Variants in WSCD2 observed in about 807,000 individuals in gnomAD.
The protein encoded by WSCD2 is WSC domain sialate O sulfotransferase 2, also known as sialate:O-sulfotransferase 2.
A neutral mutation model predicts 55.7 loss-of-function variants in WSCD2; 28 were observed. That is an observed-to-expected ratio of 0.50 (90% CI 0.37 to 0.69). The LOEUF is 0.69. Among genes scored for constraint, WSCD2 ranks in the 30% least tolerant of loss-of-function variants. The pLI is 0.00. For synonymous variants in WSCD2, 301 were observed against 301.9 expected (o/e 1.00, Z 0.03); for missense variants, 616 against 762.1 (o/e 0.81, Z 2.26).
chr12:108,170,590 C>T (rs181829957), intron 1 of WSCD2, among the ~76,000 whole-genome samples: 40 of 152,244 alleles, frequency 2.6e-4, no homozygotes, highest in East Asian at 1.9e-3. Context: ...TAGTTGTATG[C>T]GGCTGGGCAA....
intron 8 of WSCD2, among the ~76,000 whole-genome samples, chr12:108,243,372 G>A (rs1057221176): frequency 6.6e-6 from 1 of 152,120 alleles, no homozygotes; most frequent in African/African-American, 2.4e-5. Context: ...CAAGTAGCTG[G>A]GACTACAGGT....
intron 1 of WSCD2, among the ~76,000 whole-genome samples, chr12:108,184,143 G>A (rs971427115): frequency 6.6e-6 from 1 of 152,196 alleles, no homozygotes; most frequent in African/African-American, 2.4e-5. Context: ...TGGAGGTTAT[G>A]AACAGTCCTC....
At chr12:108,201,274 T>A (rs1472048346) in intron 2 of WSCD2, among the ~76,000 whole-genome samples, 2 of 152,114 alleles carry the variant, frequency 1.3e-5, no homozygotes, top group African/African-American at 4.8e-5. Context: ...TCCTCAGCAA[T>A]CCCTTGCTTG....
chr12:108,166,187 G>C (rs533035107), intron 1 of WSCD2, among the ~76,000 whole-genome samples: 48 of 152,272 alleles, frequency 3.2e-4, no homozygotes, highest in Admixed American at 2.7e-3. Flanking sequence ...TGTAATATTG[G>C]ATCAGTGACT....
At chr12:108,151,727 C>T (rs1878024155) in intron 1 of WSCD2, among the ~76,000 whole-genome samples, 1 of 152,222 alleles carries the variant, frequency 6.6e-6, no homozygotes, top group African/African-American at 2.4e-5. Flanking sequence ...ACTGGGGACT[C>T]CCTTGAGGCC....
chr12:108,206,429 T>C (rs1237782384), intron 3 of WSCD2, 26 bp downstream of exon 3: 5 of 1,606,676 alleles, frequency 3.1e-6, no homozygotes, highest in Non-Finnish European at 4.3e-6. Context: ...CCCAGACTTG[T>C]CCATTTCAGG....
chr12:108,177,729 C>A (rs564362815), intron 1 of WSCD2, among the ~76,000 whole-genome samples: 1 of 152,178 alleles, frequency 6.6e-6, no homozygotes, highest in South Asian at 2.1e-4. Context: ...TCAAGACCAG[C>A]CTGGGCAAAT....
At chr12:108,231,031 G>A (rs560602372) in intron 6 of WSCD2, among the ~76,000 whole-genome samples, 2 of 152,314 alleles carry the variant, frequency 1.3e-5, no homozygotes, top group Admixed American at 6.5e-5. Context: ...ATGTGATTGA[G>A]CCAGCTGAGA....
intron 1 of WSCD2, among the ~76,000 whole-genome samples, chr12:108,179,284 G>A (rs534325710): frequency 1.2e-4 from 19 of 152,226 alleles, no homozygotes; most frequent in East Asian, 3.9e-4. Context: ...AGGGGGCACA[G>A]AGCCTGTATT....
At chr12:108,222,966 G>T (rs943231662) in intron 4 of WSCD2, among the ~76,000 whole-genome samples, 1 of 152,206 alleles carries the variant, frequency 6.6e-6, no homozygotes. Flanking sequence ...ACGCAATTGC[G>T]GGAGCTGGCA....
intron 1 of WSCD2, chr12:108,189,743 C>T (rs1384216299): frequency 6.6e-6 from 1 of 152,138 alleles, no homozygotes; most frequent in Non-Finnish European, 1.5e-5. Context: ...AACAAACAGA[C>T]AAAAACTAGC....
chr12:108,147,922 TC>T (rs1345716172), intron 1 of WSCD2, among the ~76,000 whole-genome samples: 2 of 151,694 alleles, frequency 1.3e-5, no homozygotes, highest in Non-Finnish European at 2.9e-5. Flanking sequence ...CTACATAAGA[TC>T]TTTGGTAAAT....
intron 8 of WSCD2, chr12:108,244,481 T>C (rs953185375): frequency 2.6e-5 from 18 of 702,776 alleles, no homozygotes; most frequent in Non-Finnish European, 4.7e-5. Flanking sequence ...TGGACAATCA[T>C]AACACTAACC....
At chr12:108,214,191 C>G (rs920578731) in intron 4 of WSCD2, among the ~76,000 whole-genome samples, 3 of 152,174 alleles carry the variant, frequency 2.0e-5, no homozygotes, top group Non-Finnish European at 4.4e-5. Flanking sequence ...AACACTGTGT[C>G]CTAATTGTGT....
intron 8 of WSCD2, among the ~76,000 whole-genome samples, chr12:108,246,603 C>G (rs1322583569): frequency 6.6e-6 from 1 of 152,182 alleles, no homozygotes; most frequent in African/African-American, 2.4e-5. Flanking sequence ...CATGGAATCC[C>G]CAGGTTCTCT....
chr12:108,164,163 C>G (rs200910469), intron 1 of WSCD2, among the ~76,000 whole-genome samples: 3 of 9,676 alleles, frequency 3.1e-4, no homozygotes, highest in Non-Finnish European at 5.7e-4. Flanking sequence ...TTTTTTTTTT[C>G]AGAGAGGGGG....
chr12:108,178,521 C>T (rs947988211), intron 1 of WSCD2, among the ~76,000 whole-genome samples: 3 of 152,216 alleles, frequency 2.0e-5, no homozygotes, highest in African/African-American at 4.8e-5. Context: ...CAGTCACACA[C>T]ATCTGTCAAG....
At chr12:108,176,804 T>C (rs1416620571) in intron 1 of WSCD2, among the ~76,000 whole-genome samples, 2 of 80,378 alleles carry the variant, frequency 2.5e-5, no homozygotes, top group Non-Finnish European at 6.9e-5. Context: ...AGTTTTTGTT[T>C]TTTGTTTTTG....
rs372232788 is a variant in WSCD2, at chr12:108,210,155, G to A, written c.532G>A (p.Glu178Lys). 7 of 1,614,008 alleles carry A rather than the reference G, an allele frequency of 4.3e-6. No homozygotes were observed. The highest frequency in any genetic ancestry group is 1.3e-5 in the African/African-American group (1 of 74,924). Residue 178 changes from glutamate to lysine, a missense_variant, in exon 4 of 9, where the codon GAG becomes AAG. Around this residue, in one of 3 missense-constraint regions of WSCD2, gnomAD observed 374 missense variants for 467.4 expected, o/e 0.80. Transcript: ENST00000547525. The surrounding 1 kb of genome is among the most constrained non-coding windows in gnomAD (Gnocchi z 4.3). ...GTATGGCGGGCTGGAGTTCGGCGCC[G>A]AGTGCTACTGCGGCCACAAGATCCA... ...YLYGGLEFGA[E>K]CYCGHKIQAT... is the part of the protein sequence containing the mutation.
Sources: allele counts gnomAD v4.1 joint callset (sites outside exome capture counted in the v4.1 genomes callset), GRCh38; gene constraint gnomAD v4.1.1; regional missense constraint gnomAD v4.1.1; non-coding constraint Gnocchi (gnomAD v3.1); transcripts MANE v1.5; gene names NCBI Gene and HGNC (gene_info 2026-07-23, HGNC 2026-07-21).